Variants in SNTB1 observed in about 807,000 individuals in gnomAD.
The protein encoded by SNTB1 is syntrophin beta 1.
SNTB1 carries 36 observed loss-of-function variants against 48.9 expected under a neutral mutation model. The observed-to-expected ratio is 0.74, with a 90% CI of 0.56 to 0.97. The LOEUF (loss-of-function observed/expected upper bound fraction) is 0.97. Among genes scored for constraint, SNTB1 ranks in the 50% least tolerant of loss-of-function variants. SNTB1 has a pLI of 0.00. For synonymous variants in SNTB1, 299 were observed against 294.6 expected (o/e 1.01, Z -0.15); for missense variants, 786 against 703.4 (o/e 1.12, Z -1.33).
At chr8:120,648,772 G>A (rs1349269102) in intron 2 of SNTB1, among the ~76,000 whole-genome samples, 6 of 152,222 alleles carry the variant, frequency 3.9e-5, no homozygotes, top group African/African-American at 1.4e-4. Context: ...TTTCCAACTT[G>A]GTTCCATTCT....
At chr8:120,546,237 C>T (rs774737820) in intron 5 of SNTB1, among the ~76,000 whole-genome samples, 19 of 152,136 alleles carry the variant, frequency 1.2e-4, no homozygotes, top group Non-Finnish European at 2.5e-4. Flanking sequence ...GATGAATGTC[C>T]GCAGGAGACC....
chr8:120,590,743 C>T (rs1317148288), intron 3 of SNTB1, among the ~76,000 whole-genome samples: 13 of 146,568 alleles, frequency 8.9e-5, no homozygotes, highest in African/African-American at 1.0e-4. Flanking sequence ...TGCAGTGGCG[C>T]GATCTCGGCT....
chr8:120,642,240 T>C (rs1817207834), intron 2 of SNTB1, among the ~76,000 whole-genome samples: 1 of 152,184 alleles, frequency 6.6e-6, no homozygotes, highest in African/African-American at 2.4e-5. Flanking sequence ...AGAGAAAGAA[T>C]ACAAAAGACA....
At chr8:120,591,189 T>C (rs1032073490) in intron 3 of SNTB1, among the ~76,000 whole-genome samples, 1 of 152,224 alleles carries the variant, frequency 6.6e-6, no homozygotes, top group Non-Finnish European at 1.5e-5. Flanking sequence ...CAGCAAGTTC[T>C]GAAAATTAGC....
chr8:120,586,286 G>GT (rs1254566681), intron 3 of SNTB1, among the ~76,000 whole-genome samples: 4 of 152,216 alleles, frequency 2.6e-5, no homozygotes, highest in African/African-American at 9.6e-5. Context: ...AAAAGCTAGT[G>GT]TATTCGTTTC....
intron 1 of SNTB1, among the ~76,000 whole-genome samples, chr8:120,801,178 A>T (rs1374498332): frequency 6.6e-6 from 1 of 152,052 alleles, no homozygotes; most frequent in East Asian, 1.9e-4. Flanking sequence ...AAATATCATT[A>T]ACCTTGATTT....
chr8:120,721,012 G>A (rs185663814), intron 1 of SNTB1, among the ~76,000 whole-genome samples: 15 of 152,290 alleles, frequency 9.8e-5, no homozygotes, highest in African/African-American at 2.6e-4. Context: ...ATACTTGGGC[G>A]TATTCCTGAG....
chr8:120,782,937 A>G (rs987998469), intron 1 of SNTB1, among the ~76,000 whole-genome samples: 2 of 152,226 alleles, frequency 1.3e-5, no homozygotes, highest in African/African-American at 4.8e-5. Context: ...CTCTTCATGC[A>G]CTGGTCTTTA....
At chr8:120,709,145 G>A (rs1057154993) in intron 1 of SNTB1, among the ~76,000 whole-genome samples, 2 of 152,094 alleles carry the variant, frequency 1.3e-5, no homozygotes, top group Non-Finnish European at 2.9e-5. Context: ...GCAAGAAAGT[G>A]TAGGATAAAG....
chr8:120,557,324 C>T (rs182987337), intron 4 of SNTB1, among the ~76,000 whole-genome samples: 179 of 152,318 alleles, frequency 1.2e-3, no homozygotes, highest in Admixed American at 3.7e-3. Flanking sequence ...CATCTCTGGA[C>T]CTTGGCTAAT....
rs768557162 is a variant in SNTB1 at position 120,811,602 on chromosome 8, C to G, written c.242G>C (p.Gly81Ala). The change falls in exon 1 of 7, where the codon GGC becomes GCC. Residue 81 changes from glycine (G) to alanine (A), a missense_variant. Coordinates refer to ENST00000517992, the MANE Select transcript of SNTB1 (RefSeq NM_021021.4). ...GGCGGGCGAGTCCGGGGGCTGCGCG[C>G]CGCCCGCGCCCGGGTGCCCAGCCCC... is the stretch of plus-strand genomic sequence containing the variant. Reference protein sequence around the residue: ...GAGAGHPGAGGAQPPDSPAGV... With the variant: ...GAGAGHPGAGAAQPPDSPAGV... 8.3e-6 allele frequency: 13 copies of G among 1,572,960 alleles called. No individual in the cohort carries two copies. The African/African-American group carries it at 1.8e-4, about 22-fold the overall frequency.
chr8:120,740,152 T>G (rs1027053458), intron 1 of SNTB1, among the ~76,000 whole-genome samples: 47 of 152,268 alleles, frequency 3.1e-4, no homozygotes, highest in African/African-American at 1.1e-3. Flanking sequence ...GTGATGCACC[T>G]CTTATATATT....
chr8:120,697,951 C>T (rs1818239029), intron 1 of SNTB1, among the ~76,000 whole-genome samples: 1 of 151,778 alleles, frequency 6.6e-6, no homozygotes, highest in Non-Finnish European at 1.5e-5. Context: ...GAATGTAGCA[C>T]AAATATACAA....
intron 2 of SNTB1, among the ~76,000 whole-genome samples, chr8:120,690,942 C>G (rs973387231): frequency 3.3e-5 from 5 of 152,234 alleles, no homozygotes; most frequent in African/African-American, 1.2e-4. Context: ...GCTGGATTCT[C>G]ATGTTTGATT....
At chr8:120,611,009 T>A (rs1182642009) in intron 3 of SNTB1, among the ~76,000 whole-genome samples, 1 of 152,166 alleles carries the variant, frequency 6.6e-6, no homozygotes, top group African/African-American at 2.4e-5. Context: ...AGACAAAGGT[T>A]AGTCTTCTGT....
Position 120,632,544 on chromosome 8 carries a change from T to A in SNTB1, c.896A>T (p.Asp299Val). The change falls in exon 3 of 7, where the codon GAC becomes GTC. Residue 299 changes from aspartate (D) to valine (V), a missense_variant. Asp to Val is a radical substitution (Grantham distance 152). Transcript: ENST00000517992. Reference sequence around the variant, plus strand: ...CTCAGCAATCACTCGGGTCAGCAGGTCATTAACGTTGGAATGGATGGCACT... The same window carrying A: ...CTCAGCAATCACTCGGGTCAGCAGGACATTAACGTTGGAATGGATGGCACT... ...WFSAIHSNVN[D>V]LLTRVIAEVR... 1 of 1,614,166 alleles carries A rather than the reference T, an allele frequency of 6.2e-7. No homozygotes were observed. Among genetic ancestry groups the A allele is most frequent in the Non-Finnish European group, 8.5e-7 (1 of 1,180,028 alleles).
chr8:120,601,505 G>A (rs1368432821), intron 3 of SNTB1, among the ~76,000 whole-genome samples: 1 of 152,060 alleles, frequency 6.6e-6, no homozygotes, highest in African/African-American at 2.4e-5. Context: ...TATCCTTCGT[G>A]CTAAAAAAAT....
chr8:120,805,964 T>C (rs941624553), intron 1 of SNTB1, among the ~76,000 whole-genome samples: 30 of 152,356 alleles, frequency 2.0e-4, no homozygotes, highest in Admixed American at 1.6e-3. Flanking sequence ...GTCTGTAAAA[T>C]AGGGATACGA....
intron 3 of SNTB1, among the ~76,000 whole-genome samples, chr8:120,590,358 C>G (rs570347665): frequency 8.5e-5 from 13 of 152,298 alleles, no homozygotes; most frequent in African/African-American, 3.1e-4. Flanking sequence ...TTCTGTCTTT[C>G]AATTTCCTGC....
Sources: gnomAD v4.1 joint callset for allele counts (sites outside exome capture counted in the v4.1 genomes callset) on GRCh38, gnomAD v4.1.1 for gene constraint, MANE v1.5 for transcripts, NCBI Gene and HGNC (gene_info 2026-07-23, HGNC 2026-07-21) for gene names.